The following UQCC1 variants were observed in gnomAD, a reference collection of about 807,000 sequenced individuals.
The protein encoded by UQCC1 is bFGF-repressed Zic-binding protein.
A neutral mutation model predicts 48.0 loss-of-function variants in UQCC1; 38 were observed. That is an observed-to-expected ratio of 0.79 (90% CI 0.61 to 1.04). UQCC1 has a LOEUF of 1.04. Among genes scored for constraint, UQCC1 ranks in the 50% least tolerant of loss-of-function variants. The pLI, the probability that UQCC1 is intolerant of heterozygous loss-of-function variation, is 0.00. For missense variants in UQCC1, 368 were observed against 381.8 expected (o/e 0.96, Z 0.30); for synonymous variants, 111 against 129.2 (o/e 0.86, Z 0.95).
chr20:35,303,995 C>G lies in UQCC1; in HGVS notation c.840G>C (p.Glu280Asp). ...GCTTCAGGATGCTCTGAGGATTCTT[C>G]TCCACTAGAGGGCGCCAGCTCACCT... ...TGEVSWRPLV[E>D]KNPQSILKPH... Residue 280 changes from glutamate (E) to aspartate (D), a missense_variant, in exon 10 of 10, where the codon GAG (glutamate) becomes GAC (aspartate). Coordinates refer to ENST00000374385, the MANE Select transcript of UQCC1 (RefSeq NM_018244.5). 6.2e-7 allele frequency: 1 copy of G among 1,614,204 alleles called. No homozygotes were observed. Among genetic ancestry groups the G allele is most frequent in the Non-Finnish European group, 8.5e-7 (1 of 1,180,024 alleles).
intron 5 of UQCC1, 124 bp from the exon 6 acceptor site, chr20:35,366,738 G>T: frequency 1.3e-6 from 1 of 761,874 alleles, no homozygotes; most frequent in Non-Finnish European, 2.2e-6. Context: ...GAAAAGTCCA[G>T]TAGAACAATA....
intron 1 of UQCC1, among the ~76,000 whole-genome samples, chr20:35,397,244 G>A (rs556471569): frequency 6.6e-6 from 1 of 150,664 alleles, no homozygotes; most frequent in Non-Finnish European, 1.5e-5. Context: ...GGCCGGGCGC[G>A]GTAGCTCACA....
At chr20:35,392,699 C>T (rs766004979) in intron 2 of UQCC1, among the ~76,000 whole-genome samples, 4 of 152,058 alleles carry the variant, frequency 2.6e-5, no homozygotes, top group South Asian at 2.1e-4. Flanking sequence ...TACTCTGTGC[C>T]AGGCATAGTG....
intron 6 of UQCC1, among the ~76,000 whole-genome samples, chr20:35,358,535 T>C (rs2061572543): frequency 6.6e-6 from 1 of 152,302 alleles, no homozygotes; most frequent in Admixed American, 6.5e-5. Context: ...AGACTGAATC[T>C]GTGCAGAAGC....
At chr20:35,393,766 G>A (rs926865946) in intron 2 of UQCC1, among the ~76,000 whole-genome samples, 2 of 151,458 alleles carry the variant, frequency 1.3e-5, no homozygotes, top group Middle Eastern at 3.2e-3. Flanking sequence ...TAATTATCAC[G>A]CCCAAATAAA....
At chr20:35,355,513 T>C (rs2061537156) in intron 6 of UQCC1, among the ~76,000 whole-genome samples, 1 of 152,206 alleles carries the variant, frequency 6.6e-6, no homozygotes, top group Admixed American at 6.5e-5. Context: ...GTTTATCCTC[T>C]TCAAGGGAAA....
chr20:35,330,070 T>G (rs1307473694), intron 7 of UQCC1, among the ~76,000 whole-genome samples: 1 of 152,184 alleles, frequency 6.6e-6, no homozygotes, highest in Non-Finnish European at 1.5e-5. Context: ...CAACCAATAT[T>G]GGATGGAGGC....
At chr20:35,360,086 G>A (rs2061589652) in intron 6 of UQCC1, among the ~76,000 whole-genome samples, 1 of 152,174 alleles carries the variant, frequency 6.6e-6, no homozygotes, top group Non-Finnish European at 1.5e-5. Flanking sequence ...TAAGCCCCTG[G>A]GTACCAGGTA....
chr20:35,313,172 C>T (rs986583631), intron 8 of UQCC1, among the ~76,000 whole-genome samples: 5 of 151,786 alleles, frequency 3.3e-5, no homozygotes, highest in Admixed American at 6.6e-5. Context: ...GTCAGGAGAT[C>T]GAGACCATCC....
At chr20:35,380,876 T>C (rs1292469884) in intron 4 of UQCC1, among the ~76,000 whole-genome samples, 3 of 152,236 alleles carry the variant, frequency 2.0e-5, no homozygotes, top group African/African-American at 7.2e-5. Flanking sequence ...ACTTACCAGC[T>C]GAGCATCCCA....
intron 9 of UQCC1, among the ~76,000 whole-genome samples, chr20:35,305,389 G>T (rs1034008836): frequency 2.0e-5 from 3 of 152,312 alleles, no homozygotes; most frequent in Non-Finnish European, 2.9e-5. Context: ...TTCCTAGAGG[G>T]CCCTCGGAGA....
chr20:35,346,190 A>G (rs1295663023), intron 7 of UQCC1: 1 of 152,122 alleles, frequency 6.6e-6, no homozygotes, highest in Non-Finnish European at 1.5e-5. Flanking sequence ...TGTAAAATGG[A>G]CCAATCAGCA....
chr20:35,360,139 A>G (rs775996839), intron 6 of UQCC1, among the ~76,000 whole-genome samples: 1 of 152,220 alleles, frequency 6.6e-6, no homozygotes, highest in Admixed American at 6.5e-5. Flanking sequence ...ATGCTGCTGC[A>G]TAGGCCTTTG....
At chr20:35,399,336 A>T (rs547497056) in intron 1 of UQCC1, among the ~76,000 whole-genome samples, 38 of 152,196 alleles carry the variant, frequency 2.5e-4, no homozygotes, top group African/African-American at 6.3e-4. Context: ...GTTTCCAAGG[A>T]CCTCTTTATT....
At chr20:35,370,913 G>A (rs907870630) in intron 5 of UQCC1, among the ~76,000 whole-genome samples, 2 of 152,170 alleles carry the variant, frequency 1.3e-5, no homozygotes, top group Non-Finnish European at 2.9e-5. Context: ...TCAAGGCTTG[G>A]CTAGGCAACC....
intron 7 of UQCC1, among the ~76,000 whole-genome samples, chr20:35,337,765 A>G (rs2061330375): frequency 6.6e-6 from 1 of 152,232 alleles, no homozygotes; most frequent in Non-Finnish European, 1.5e-5. Flanking sequence ...TTCTGAACTC[A>G]GCAGATTGAG....
In UQCC1 at chr20:35,411,928, T is replaced by C. The variant is rs973604053; in HGVS notation, c.24+12A>G. ...CCAGAGAGCTACCGTAGAAAATTAC[T>C]CCTTCACTCACAAGGACTCGCACCA... On this transcript the variant is annotated intron_variant, in intron 1 of 9. Coordinates refer to ENST00000374385, the MANE Select transcript of UQCC1 (RefSeq NM_018244.5). 3.7e-6 allele frequency: 6 copies of C among 1,614,172 alleles called. No individual in the cohort carries two copies. Among genetic ancestry groups the C allele is most frequent in the East Asian group, 2.2e-5 (1 of 44,876 alleles).
chr20:35,339,090 G>A (rs545583837), intron 7 of UQCC1, among the ~76,000 whole-genome samples: 20 of 151,292 alleles, frequency 1.3e-4, no homozygotes, highest in African/African-American at 3.9e-4. Flanking sequence ...GAGAAAAACC[G>A]GACCTTTTTC....
At chr20:35,342,164 C>A (rs1380269364) in intron 7 of UQCC1, among the ~76,000 whole-genome samples, 1 of 152,162 alleles carries the variant, frequency 6.6e-6, no homozygotes, top group Non-Finnish European at 1.5e-5. Flanking sequence ...AGAAGTCTCA[C>A]TGAGGCAACA....
Sources: gnomAD v4.1 joint callset for allele counts (sites outside exome capture counted in the v4.1 genomes callset) on GRCh38, gnomAD v4.1.1 for gene constraint, MANE v1.5 for transcripts, NCBI Gene and HGNC (gene_info 2026-07-23, HGNC 2026-07-21) for gene names.